The following ELN variants were observed in gnomAD, a reference collection of about 807,000 sequenced individuals.
The protein encoded by ELN is elastin.
ELN carries 65 observed loss-of-function variants against 105.8 expected under a neutral mutation model. That is an observed-to-expected ratio of 0.61 (90% CI 0.50 to 0.75). The LOEUF is 0.75. Among genes scored for constraint, ELN ranks in the 30% least tolerant of loss-of-function variants. The probability of loss-of-function intolerance (pLI) is 0.00; values close to 1 mark genes in which losing one functional copy is unlikely to be tolerated. For missense variants in ELN, 882 were observed against 969.4 expected (o/e 0.91, Z 1.20); for synonymous variants, 368 against 389.2 (o/e 0.95, Z 0.64).
At chr7:74,064,675 G>C (rs1176610112) in intron 29 of ELN, among the ~76,000 whole-genome samples, 1 of 152,128 alleles carries the variant, frequency 6.6e-6, no homozygotes, top group African/African-American at 2.4e-5. Flanking sequence ...CTTGCCGCCA[G>C]GGTCCCAGTC....
At chr7:74,056,932 C>T (rs188376927) in intron 21 of ELN, among the ~76,000 whole-genome samples, 18 of 151,908 alleles carry the variant, frequency 1.2e-4, no homozygotes, top group African/African-American at 3.9e-4. Flanking sequence ...ACCCCACCCC[C>T]CACCCCCAGA....
intron 19 of ELN, among the ~76,000 whole-genome samples, chr7:74,055,758 G>T (rs1554679130): frequency 6.6e-6 from 1 of 150,424 alleles, no homozygotes; most frequent in African/African-American, 2.4e-5. Flanking sequence ...TGGGATTATG[G>T]GCATGAGCCA....
intron 2 of ELN, among the ~76,000 whole-genome samples, chr7:74,035,950 G>A (rs1789835478): frequency 6.6e-6 from 1 of 151,174 alleles, no homozygotes; most frequent in African/African-American, 2.4e-5. Flanking sequence ...AAAAAGAAAA[G>A]GGGAAAAAAA....
intron 17 of ELN, chr7:74,052,930 G>A (rs576261878): frequency 2.1e-5 from 12 of 581,724 alleles, no homozygotes; most frequent in Admixed American, 1.3e-4. Context: ...GAAAAGAAAA[G>A]AAAAAGAAAG....
intron 30 of ELN, 105 bp from the exon 31 acceptor site, chr7:74,065,839 C>A (rs1035427966): frequency 7.3e-5 from 118 of 1,611,528 alleles, no homozygotes; most frequent in Non-Finnish European, 9.5e-5. Flanking sequence ...CCCCCTACCC[C>A]TGAAGATCTT....
chr7:74,055,635 A>T lies in ELN; in HGVS notation c.1151-636A>T, dbSNP rs1325213079. 2.0e-5 allele frequency among the ~76,000 whole-genome samples: 3 copies of T among 151,922 alleles called. No homozygotes were observed. The East Asian group carries it at 5.8e-4, about 30-fold the overall frequency. On this transcript the variant is annotated intron_variant, in intron 19 of 32. Coordinates refer to ENST00000252034, the MANE Select transcript of ELN (RefSeq NM_000501.4). ...GCTGGGATTACAGACATGCACCACC[A>T]TGCCTGGCTAATTTTTGTATTTTCA...
intron 19 of ELN, among the ~76,000 whole-genome samples, chr7:74,055,013 T>C (rs1196721977): frequency 6.6e-6 from 1 of 152,242 alleles, no homozygotes; most frequent in Non-Finnish European, 1.5e-5. Flanking sequence ...GCTTCCCTGC[T>C]CTGGCCAAGG....
chr7:74,056,848 C>G, intron 21 of ELN, 135 bp downstream of exon 21: 1 of 1,121,004 alleles, frequency 8.9e-7, no homozygotes. Context: ...CCTGCCCCAT[C>G]TTCCAAAGCC....
chr7:74,035,492 T>TACAGA (rs1789715417), intron 2 of ELN, 78 bp downstream of exon 2: 1 of 1,554,354 alleles, frequency 6.4e-7, no homozygotes, highest in African/African-American at 1.4e-5. Flanking sequence ...ATTTTGACAC[T>TACAGA]ACAGAAGGTA....
intron 19 of ELN, among the ~76,000 whole-genome samples, chr7:74,055,780 C>CA (rs1421204400): frequency 9.6e-5 from 14 of 146,462 alleles, no homozygotes; most frequent in Admixed American, 6.9e-4. Flanking sequence ...TGCACCCGGC[C>CA]AAAAAAAAGA....
chr7:74,043,082 G>A (rs1791614161), intron 7 of ELN, 36 bp from the exon 8 acceptor site: 1 of 1,614,190 alleles, frequency 6.2e-7, no homozygotes, highest in Non-Finnish European at 8.5e-7. Context: ...GCAGGCCTGG[G>A]TGGAGCCAAC....
intron 18 of ELN, among the ~76,000 whole-genome samples, chr7:74,054,101 A>C (rs1381970624): frequency 2.0e-5 from 3 of 152,018 alleles, no homozygotes; most frequent in Non-Finnish European, 2.9e-5. Flanking sequence ...AGATAGGCAG[A>C]TGGGATAAGT....
chr7:74,044,301 C>T (rs782411112), intron 9 of ELN, among the ~76,000 whole-genome samples: 1 of 151,940 alleles, frequency 6.6e-6, no homozygotes, highest in East Asian at 1.9e-4. Flanking sequence ...TAGTACCCCC[C>T]TCGCCTCCCC....
At chr7:74,050,545 G>GCATC (rs1554675458) in intron 15 of ELN, among the ~76,000 whole-genome samples, 1 of 128,532 alleles carries the variant, frequency 7.8e-6, no homozygotes, top group Non-Finnish European at 1.7e-5. Context: ...CTCCATGCAT[G>GCATC]CATCCATCCA....
intron 18 of ELN, 24 bp downstream of exon 18, chr7:74,053,333 TGTG>T (rs782649252): frequency 1.3e-4 from 206 of 1,574,990 alleles, no homozygotes; most frequent in Non-Finnish European, 1.7e-4. Context: ...TGTGTGTGTG[TGTG>T]TGTGTGTGTG....
At chr7:74,065,590 G>A (rs1584038723) in intron 29 of ELN, 104 bp from the exon 30 acceptor site, 1 of 1,398,970 alleles carries the variant, frequency 7.1e-7, no homozygotes, top group East Asian at 2.4e-5. Flanking sequence ...CTCCAGCCCA[G>A]GCGAAGGAGT....
intron 29 of ELN, among the ~76,000 whole-genome samples, chr7:74,064,104 T>TAA (rs1192710845): frequency 7.7e-6 from 1 of 129,554 alleles, no homozygotes. Context: ...CCCTGTCATC[T>TAA]AAAAAAAAAA....
intron 2 of ELN, chr7:74,035,657 GC>G: frequency 1.7e-6 from 1 of 594,624 alleles, no homozygotes; most frequent in Non-Finnish European, 3.1e-6. Context: ...ATTGCTTGAG[GC>G]CAGGAGTTTC....
At chr7:74,048,690 T>C (rs1554674137) in intron 15 of ELN, 134 bp downstream of exon 15, 1 of 947,854 alleles carries the variant, frequency 1.1e-6, no homozygotes, top group Non-Finnish European at 1.6e-6. Context: ...ATCACCCATC[T>C]ATCTATCCCT....
Sources: gnomAD v4.1 joint callset for allele counts (sites outside exome capture counted in the v4.1 genomes callset) on GRCh38, gnomAD v4.1.1 for gene constraint, MANE v1.5 for transcripts, NCBI Gene and HGNC (gene_info 2026-07-23, HGNC 2026-07-21) for gene names.